The following SYNDIG1 variants were observed in gnomAD, a reference collection of about 807,000 sequenced individuals.
SYNDIG1 encodes the protein synapse differentiation inducing 1.
Under a neutral mutation model 19.4 loss-of-function variants are expected in SYNDIG1, and 9 were observed. The observed-to-expected ratio is 0.46, with a 90% CI of 0.28 to 0.81. The LOEUF (loss-of-function observed/expected upper bound fraction) is 0.81, where lower values mean the gene tolerates loss of function less well. Among genes scored for constraint, SYNDIG1 ranks in the 30% least tolerant of loss-of-function variants. The pLI, the probability that SYNDIG1 is intolerant of heterozygous loss-of-function variation, is 0.12. For missense variants in SYNDIG1, 311 were observed against 343.3 expected, an observed-to-expected ratio of 0.91 and a Z score of 0.74; for synonymous variants, 141 against 145.9, an observed-to-expected ratio of 0.97 and a Z score of 0.24.
chr20:24,525,634 A>G lies in SYNDIG1; in HGVS notation c.-78-17386A>G, dbSNP rs201064582. ...ATTTTTGAAAGGAAGAAAGAGAGAG[A>G]AGAATGGAGAGAGAGTGAGAGAGAC... On this transcript the variant is annotated intron_variant, in intron 1 of 3. Coordinates refer to ENST00000376862, the MANE Select transcript of SYNDIG1 (RefSeq NM_024893.3). 1.2e-4 allele frequency among the ~76,000 whole-genome samples: 18 copies of G among 152,280 alleles called. No individual in the cohort carries two copies. The East Asian group carries it at 3.3e-3, about 28-fold the overall frequency.
At chr20:24,618,089 G>C (rs140860150) in intron 3 of SYNDIG1, among the ~76,000 whole-genome samples, 1 of 140,844 alleles carries the variant, frequency 7.1e-6, no homozygotes, top group Non-Finnish European at 1.6e-5. Flanking sequence ...GCTCGGGTAG[G>C]GGGGAACCCG....
intron 3 of SYNDIG1, among the ~76,000 whole-genome samples, chr20:24,640,059 T>C (rs750446140): frequency 1.3e-5 from 2 of 152,156 alleles, no homozygotes; most frequent in African/African-American, 2.4e-5. Flanking sequence ...TCTGGCCAGG[T>C]GCAATGGCTC....
intron 1 of SYNDIG1, among the ~76,000 whole-genome samples, chr20:24,511,318 C>G (rs1410333020): frequency 1.3e-5 from 2 of 152,162 alleles, no homozygotes; most frequent in African/African-American, 4.8e-5. Flanking sequence ...TATGTTAGTT[C>G]CTCAGTGTAG....
At chr20:24,662,468 G>T (rs1349570908) in intron 3 of SYNDIG1, among the ~76,000 whole-genome samples, 1 of 152,090 alleles carries the variant, frequency 6.6e-6, no homozygotes, top group East Asian at 1.9e-4. Flanking sequence ...TCTCCCTTGG[G>T]GGCTACGTCT....
At chr20:24,573,678 G>T (rs573285955) in intron 2 of SYNDIG1, among the ~76,000 whole-genome samples, 3 of 152,332 alleles carry the variant, frequency 2.0e-5, no homozygotes, top group African/African-American at 7.2e-5. Flanking sequence ...GTATGCATCT[G>T]TTCATTGCAC....
chr20:24,587,690 C>G (rs143977976), intron 3 of SYNDIG1, among the ~76,000 whole-genome samples: 1 of 152,214 alleles, frequency 6.6e-6, no homozygotes, highest in Non-Finnish European at 1.5e-5. Flanking sequence ...GGGGGAAGCC[C>G]GGAGCCCTCT....
chr20:24,590,001 G>A (rs1245229717), intron 3 of SYNDIG1, among the ~76,000 whole-genome samples: 1 of 152,238 alleles, frequency 6.6e-6, no homozygotes, highest in Admixed American at 6.5e-5. Flanking sequence ...CCGCTTGTCA[G>A]AGCTAACGTG....
Position 24,543,434 on chromosome 20 carries a change from A to C in SYNDIG1, c.337A>C (p.Thr113Pro), listed in dbSNP as rs2057509797. Residue 113 changes from threonine (T) to proline (P), a missense_variant, in exon 2 of 4, where the codon ACC (threonine) becomes CCC (proline). Transcript: ENST00000376862. Reference sequence around the variant, plus strand: ...CGGTGTGGCCGCCGACTGCTGCGAGACCACCTTCATCGAGGACCGGTCGCC... The same window carrying C: ...CGGTGTGGCCGCCGACTGCTGCGAGCCCACCTTCATCGAGGACCGGTCGCC... ...GDGVAADCCE[T>P]TFIEDRSPTK... 1 of 1,613,616 alleles carries C rather than the reference A, an allele frequency of 6.2e-7. No individual in the cohort carries two copies. Among genetic ancestry groups the C allele is most frequent in the Non-Finnish European group, 8.5e-7 (1 of 1,180,024 alleles).
At chr20:24,483,998 A>T (rs1911534620) in intron 1 of SYNDIG1, among the ~76,000 whole-genome samples, 1 of 152,190 alleles carries the variant, frequency 6.6e-6, no homozygotes, top group South Asian at 2.1e-4. Flanking sequence ...GGCAGAGGTC[A>T]CAGAGGCCTC....
chr20:24,552,906 A>C (rs1270891503), intron 2 of SYNDIG1, among the ~76,000 whole-genome samples: 1 of 152,230 alleles, frequency 6.6e-6, no homozygotes, highest in Non-Finnish European at 1.5e-5. Context: ...CAATGGTTGA[A>C]CTAGTTTACA....
Position 24,522,051 on chromosome 20 carries a change from C to G in SYNDIG1, c.-78-20969C>G, listed in dbSNP as rs2057016748. On this transcript the variant is annotated intron_variant, in intron 1 of 3. Transcript: ENST00000376862. Reference sequence around the variant, plus strand: ...CTCTTTTGACTGTTATTGCCATACCCTGACAGCTGTGTTCATCCTGTTCTA... The same window carrying G: ...CTCTTTTGACTGTTATTGCCATACCGTGACAGCTGTGTTCATCCTGTTCTA... 2.6e-5 allele frequency among the ~76,000 whole-genome samples: 4 copies of G among 152,104 alleles called. No individual in the cohort carries two copies. The South Asian group carries it at 8.3e-4, about 32-fold the overall frequency.
At chr20:24,631,667 C>A (rs1362968811) in intron 3 of SYNDIG1, among the ~76,000 whole-genome samples, 1 of 152,212 alleles carries the variant, frequency 6.6e-6, no homozygotes, top group African/African-American at 2.4e-5. Context: ...ATTGAGGAAT[C>A]TCTCCTGGAA....
chr20:24,476,391 G>C (rs1243172344), intron 1 of SYNDIG1, among the ~76,000 whole-genome samples: 4 of 152,082 alleles, frequency 2.6e-5, no homozygotes, highest in African/African-American at 4.8e-5. Flanking sequence ...ATATTGGCCG[G>C]GCGCGGTGGC....
At chr20:24,474,817 C>A (rs79986999) in intron 1 of SYNDIG1, among the ~76,000 whole-genome samples, 1 of 152,192 alleles carries the variant, frequency 6.6e-6, no homozygotes, top group Admixed American at 6.5e-5. Context: ...GGCAGGCGCC[C>A]GCTTTCACAC....
At chr20:24,536,560 G>A (rs968451730) in intron 1 of SYNDIG1, among the ~76,000 whole-genome samples, 3 of 152,142 alleles carry the variant, frequency 2.0e-5, no homozygotes, top group Admixed American at 6.5e-5. Context: ...GTTAGAAACC[G>A]GGTGTGCCCT....
At chr20:24,539,666 G>C (rs542862905) in intron 1 of SYNDIG1, among the ~76,000 whole-genome samples, 1 of 152,236 alleles carries the variant, frequency 6.6e-6, no homozygotes, top group East Asian at 1.9e-4. Flanking sequence ...GATAACTTTG[G>C]GTAGTACTGA....
intron 3 of SYNDIG1, among the ~76,000 whole-genome samples, chr20:24,664,827 A>T (rs1044047044): frequency 4.6e-5 from 7 of 152,128 alleles, no homozygotes; most frequent in African/African-American, 7.2e-5. Context: ...AGTGGTTTTC[A>T]TGATCTTATG....
chr20:24,606,633 C>T (rs2058760965), intron 3 of SYNDIG1, among the ~76,000 whole-genome samples: 4 of 152,138 alleles, frequency 2.6e-5, no homozygotes, highest in Admixed American at 2.6e-4. Flanking sequence ...TACTGTAGCC[C>T]AGTTAATCCT....
At chr20:24,590,546 G>A (rs2058493216) in intron 3 of SYNDIG1, among the ~76,000 whole-genome samples, 1 of 152,312 alleles carries the variant, frequency 6.6e-6, no homozygotes, top group South Asian at 2.1e-4. Context: ...CTGTGCTGCA[G>A]GAGTGGCTGG....
Sources: gnomAD v4.1 joint callset for allele counts (sites outside exome capture counted in the v4.1 genomes callset) on GRCh38, gnomAD v4.1.1 for gene constraint, MANE v1.5 for transcripts, NCBI Gene and HGNC (gene_info 2026-07-23, HGNC 2026-07-21) for gene names.